Variants in SGK3 observed in about 807,000 individuals in gnomAD.
SGK3 encodes the protein serine/threonine-protein kinase Sgk3.
A neutral mutation model predicts 68.5 loss-of-function variants in SGK3; 47 were observed. The observed-to-expected ratio is 0.69, with a 90% CI of 0.54 to 0.87. The LOEUF (loss-of-function observed/expected upper bound fraction) is 0.87, where lower values mean the gene tolerates loss of function less well. Among genes scored for constraint, SGK3 ranks in the 40% least tolerant of loss-of-function variants. The pLI is 0.00. For synonymous variants in SGK3, 181 were observed against 189.1 expected (o/e 0.96, Z 0.35); for missense variants, 479 against 575.5 (o/e 0.83, Z 1.72).
chr8:66,839,515 A>ATG (rs1809688137), intron 10 of SGK3, among the ~76,000 whole-genome samples: 4 of 35,346 alleles, frequency 1.1e-4, no homozygotes, highest in Admixed American at 8.4e-4. Flanking sequence ...ATATATATAT[A>ATG]TATATATATA....
Position 66,804,433 on chromosome 8 carries a change from A to C in SGK3, c.239A>C (p.Asp80Ala). The part of the protein sequence containing the change: ...LKIPAKRIFG[D>A]NFDPDFIKQR... ...ATTCCTGCCAAGAGAATATTTGGTG[A>C]TAATTTTGATCCAGGTAAGAAACAA... Residue 80 changes from aspartate to alanine, a missense_variant, in exon 4 of 17, where the codon GAT becomes GCT. Around this residue, in one of 3 missense-constraint regions of SGK3, gnomAD observed 298 missense variants for 329.4 expected, o/e 0.90. Transcript: ENST00000521198. The C allele has an allele frequency of 6.2e-7, 1 of 1,612,592 alleles. No homozygotes were observed. Among genetic ancestry groups the C allele is most frequent in the Non-Finnish European group, 8.5e-7 (1 of 1,179,456 alleles).
intron 5 of SGK3, among the ~76,000 whole-genome samples, chr8:66,819,970 A>T (rs1808743892): frequency 6.6e-6 from 1 of 151,982 alleles, no homozygotes; most frequent in Admixed American, 6.6e-5. Context: ...GGTGCGTGCC[A>T]CCACATCCGG....
intron 8 of SGK3, among the ~76,000 whole-genome samples, chr8:66,833,234 G>A (rs1344026108): frequency 6.6e-6 from 1 of 152,144 alleles, no homozygotes; most frequent in Non-Finnish European, 1.5e-5. Context: ...TTGAACTCCT[G>A]ACCTCAAGTG....
chr8:66,772,774 G>A (rs963822406), intron 1 of SGK3, among the ~76,000 whole-genome samples: 2 of 151,804 alleles, frequency 1.3e-5, no homozygotes, highest in Admixed American at 1.3e-4. Flanking sequence ...TGTTCACCTG[G>A]CTAATTTTTT....
In SGK3 at chr8:66,723,119, A is replaced by T. The variant is rs1563595237; in HGVS notation, c.-122+10286A>T. On this transcript the variant is annotated intron_variant, in intron 1 of 16. Coordinates refer to ENST00000521198, the MANE Select transcript of SGK3 (RefSeq NM_001033578.3). ...TATATATATATATATATATATATAT[A>T]TATATATATATATTTTTTTTTTTTT... Among the ~76,000 whole-genome samples the T allele has an allele frequency of 4.2e-4, 21 of 50,424 alleles. 1 individual carries two copies. Among genetic ancestry groups the T allele is most frequent in the African/African-American group, 1.9e-3 (20 of 10,810 alleles). The allele number at this position is 50,424 out of a possible 152,430, so 33.1% of individuals were successfully genotyped here.
At chr8:66,850,799 A>G (rs760725661) in intron 15 of SGK3, 32 bp from the exon 16 acceptor site, 42 of 1,564,526 alleles carry the variant, frequency 2.7e-5, no homozygotes, top group Middle Eastern at 1.8e-4. Flanking sequence ...ATTCTTCGGC[A>G]TTAGTAAAAC....
chr8:66,769,252 C>T (rs1206346277), intron 1 of SGK3, among the ~76,000 whole-genome samples: 1 of 152,040 alleles, frequency 6.6e-6, no homozygotes, highest in Non-Finnish European at 1.5e-5. Context: ...GAAACAGAGT[C>T]TCACTCTGTT....
intron 16 of SGK3, among the ~76,000 whole-genome samples, chr8:66,852,973 A>C (rs1810354651): frequency 6.6e-6 from 1 of 152,244 alleles, no homozygotes; most frequent in South Asian, 2.1e-4. Flanking sequence ...TATTGACTTC[A>C]GACTCAGATA....
intron 10 of SGK3, 49 bp from the exon 11 acceptor site, chr8:66,839,954 A>G: frequency 6.6e-7 from 1 of 1,522,940 alleles, no homozygotes. Context: ...GCTATGTGTG[A>G]ATGATCCTAA....
intron 1 of SGK3, among the ~76,000 whole-genome samples, chr8:66,718,734 G>A (rs1042960337): frequency 6.6e-6 from 1 of 151,878 alleles, no homozygotes; most frequent in Non-Finnish European, 1.5e-5. Flanking sequence ...CTCCAGGTTG[G>A]TCAGGATGGT....
intron 2 of SGK3, among the ~76,000 whole-genome samples, chr8:66,798,334 A>G (rs1807785383): frequency 6.6e-6 from 1 of 152,108 alleles, no homozygotes; most frequent in Admixed American, 6.6e-5. Context: ...AAGATTCAAT[A>G]AGTGCTTTAA....
At chr8:66,797,409 A>AT (rs1443073030) in intron 2 of SGK3, among the ~76,000 whole-genome samples, 1 of 152,180 alleles carries the variant, frequency 6.6e-6, no homozygotes, top group Non-Finnish European at 1.5e-5. Context: ...GAGGTATCAA[A>AT]TTAATTCTAA....
At chr8:66,747,659 G>A (rs956625574) in intron 1 of SGK3, among the ~76,000 whole-genome samples, 2 of 152,116 alleles carry the variant, frequency 1.3e-5, no homozygotes, top group Non-Finnish European at 2.9e-5. Flanking sequence ...CTGGGCTCAA[G>A]TGATCCTCCC....
intron 6 of SGK3, among the ~76,000 whole-genome samples, chr8:66,823,559 G>A (rs570152007): frequency 3.9e-5 from 6 of 151,968 alleles, no homozygotes; most frequent in Non-Finnish European, 5.9e-5. Flanking sequence ...CACCACGCCC[G>A]GCTAATTTTT....
chr8:66,837,719 G>C (rs369470635), intron 10 of SGK3, among the ~76,000 whole-genome samples: 3 of 152,130 alleles, frequency 2.0e-5, no homozygotes, highest in Admixed American at 6.5e-5. Flanking sequence ...AGGAGGTTGC[G>C]GCTGCAATGA....
chr8:66,835,837 C>G lies in SGK3; in HGVS notation c.600C>G (p.Asn200Lys). 2 of 1,609,528 alleles carry G rather than the reference C, an allele frequency of 1.2e-6. No homozygotes were observed. The highest frequency in any genetic ancestry group is 1.7e-6 in the Non-Finnish European group (2 of 1,178,992). ...VKVLQKKIVL[N>K]RKEQKHIMAE... ...TGTTACAGAAAAAAATAGTTCTCAA[C>G]AGAAAAGAGGTAAAATAAAATAGTT... Residue 200 changes from asparagine (N) to lysine (K), a missense_variant, in exon 9 of 17, where the codon AAC becomes AAG. Physicochemically the swap from Asn to Lys is moderately conservative, Grantham distance 94 (BLOSUM62 0). Transcript: ENST00000521198.
At chr8:66,767,950 GC>G in intron 1 of SGK3, 1 of 931,556 alleles carries the variant, frequency 1.1e-6, no homozygotes, top group Non-Finnish European at 1.8e-6. Flanking sequence ...ATCCTTTGTA[GC>G]CACAAGGATG....
intron 1 of SGK3, among the ~76,000 whole-genome samples, chr8:66,775,919 T>G (rs999960316): frequency 1.4e-4 from 22 of 152,198 alleles, no homozygotes; most frequent in African/African-American, 4.8e-4. Context: ...TTTCTATGCC[T>G]TAGTTTTAGC....
At chr8:66,846,606 G>T (rs1416326383) in intron 14 of SGK3, among the ~76,000 whole-genome samples, 1 of 152,108 alleles carries the variant, frequency 6.6e-6, no homozygotes, top group Non-Finnish European at 1.5e-5. Flanking sequence ...GAGCCACCAC[G>T]CCTGGTCTTT....
Sources: allele counts gnomAD v4.1 joint callset (sites outside exome capture counted in the v4.1 genomes callset), GRCh38; gene constraint gnomAD v4.1.1; regional missense constraint gnomAD v4.1.1; transcripts MANE v1.5; gene names NCBI Gene and HGNC (gene_info 2026-07-23, HGNC 2026-07-21).